Variants in PDE1A observed in about 807,000 individuals in gnomAD.
The protein encoded by PDE1A is dual specificity calcium/calmodulin-dependent 3',5'-cyclic nucleotide phosphodiesterase 1A.
A neutral mutation model predicts 61.7 loss-of-function variants in PDE1A; 35 were observed. That is an observed-to-expected ratio of 0.57 (90% CI 0.43 to 0.75). The LOEUF is 0.75. PDE1A is among the 30% of genes least tolerant of loss of function. PDE1A has a pLI of 0.00. For missense variants in PDE1A, 597 were observed against 630.6 expected, an observed-to-expected ratio of 0.95 and a Z score of 0.57; for synonymous variants, 232 against 213.2, an observed-to-expected ratio of 1.09 and a Z score of -0.77.
chr2:182,167,392 T>C (rs961152863), downstream of PDE1A, among the ~76,000 whole-genome samples: 3 of 152,180 alleles, frequency 2.0e-5, no homozygotes, highest in African/African-American at 7.2e-5. Context: ...TTGTATCCTA[T>C]GTTTCTTTAA....
At chr2:182,658,058 A>C in the PDE1A span, among the ~76,000 whole-genome samples, 6 of 108,516 alleles carry the variant, frequency 5.5e-5, no homozygotes, top group Admixed American at 8.7e-5. Flanking sequence ...AAAAAAAAAA[A>C]AAAAAAAAAA....
chr2:182,571,338 C>A, the PDE1A span, among the ~76,000 whole-genome samples: 2 of 152,012 alleles, frequency 1.3e-5, no homozygotes, highest in African/African-American at 4.8e-5. Context: ...TATTATTCTA[C>A]CAATCAAATC....
At chr2:182,524,135 A>G (rs1479743715), upstream of PDE1A, among the ~76,000 whole-genome samples, 2 of 152,174 alleles carry the variant, frequency 1.3e-5, no homozygotes, top group East Asian at 3.8e-4. Flanking sequence ...TGAAAGTACC[A>G]ATTTTACCCT....
intron 13 of PDE1A, among the ~76,000 whole-genome samples, 178 bp from the exon 14 acceptor site, chr2:182,147,330 G>T (rs967335847): frequency 6.6e-6 from 1 of 152,144 alleles, no homozygotes; most frequent in Non-Finnish European, 1.5e-5. Flanking sequence ...GATCTACATA[G>T]TATAACAAGC....
chr2:182,192,792 A>C (rs1411362468), intron 10 of PDE1A, among the ~76,000 whole-genome samples: 1 of 152,100 alleles, frequency 6.6e-6, no homozygotes, highest in East Asian at 1.9e-4. Context: ...TTCCCTGGAG[A>C]TCCTTCAGGT....
downstream of PDE1A, among the ~76,000 whole-genome samples, chr2:182,146,206 A>G (rs1432656555): frequency 1.3e-5 from 2 of 152,186 alleles, no homozygotes; most frequent in African/African-American, 2.4e-5. Context: ...CAAAAATTCA[A>G]ATTTTCAAGG....
At chr2:182,586,820 G>T in the PDE1A span, among the ~76,000 whole-genome samples, 3 of 152,162 alleles carry the variant, frequency 2.0e-5, no homozygotes, top group African/African-American at 7.2e-5. Flanking sequence ...TTTATCAGAT[G>T]CATATTATGT....
the PDE1A span, among the ~76,000 whole-genome samples, chr2:182,644,128 T>TACACACACAC: frequency 0.03 from 3,929 of 129,402 alleles, 126 homozygotes; most frequent in African/African-American, 0.062. Context: ...AATCAATGAT[T>TACACACACAC]ACACACACAC....
intron 2 of PDE1A, among the ~76,000 whole-genome samples, chr2:182,440,426 A>C (rs1684713623): frequency 6.6e-6 from 1 of 152,060 alleles, no homozygotes. Context: ...ATGGGATGCT[A>C]CTTAGTTATA....
chr2:182,511,263 C>A (rs1210943999), intron 2 of PDE1A, among the ~76,000 whole-genome samples: 1 of 151,666 alleles, frequency 6.6e-6, no homozygotes, highest in Non-Finnish European at 1.5e-5. Flanking sequence ...TCAAAAAGAC[C>A]GGCACGCTCC....
chr2:182,358,671 AAC>A (rs1414578245), intron 1 of PDE1A, among the ~76,000 whole-genome samples: 1 of 152,172 alleles, frequency 6.6e-6, no homozygotes, highest in African/African-American at 2.4e-5. Context: ...GCTAATAGCT[AAC>A]ATTTTTTGAA....
chr2:182,516,815 A>G (rs866657089), intron 2 of PDE1A, among the ~76,000 whole-genome samples: 16 of 83,224 alleles, frequency 1.9e-4, no homozygotes, highest in African/African-American at 6.6e-4. Context: ...AAGGAAGGAA[A>G]GGAAGGGAAG....
intron 1 of PDE1A, among the ~76,000 whole-genome samples, chr2:182,300,715 A>G (rs1441777835): frequency 6.6e-6 from 1 of 152,234 alleles, no homozygotes; most frequent in Admixed American, 6.5e-5. Flanking sequence ...CCTCTTGTAT[A>G]AATGTCCTCT....
chr2:182,573,600 T>C, the PDE1A span, among the ~76,000 whole-genome samples: 2 of 151,980 alleles, frequency 1.3e-5, no homozygotes, highest in Non-Finnish European at 2.9e-5. Flanking sequence ...AGGGGACAGA[T>C]GATGATATTC....
the PDE1A span, among the ~76,000 whole-genome samples, chr2:182,663,202 G>A: frequency 6.6e-6 from 1 of 152,166 alleles, no homozygotes; most frequent in Non-Finnish European, 1.5e-5. Flanking sequence ...CAAGGTTGCA[G>A]AGAAAAAGGA....
the PDE1A span, among the ~76,000 whole-genome samples, chr2:182,599,152 GC>G: frequency 1.3e-5 from 2 of 152,044 alleles, no homozygotes; most frequent in African/African-American, 2.4e-5. Context: ...GCCCAGGAAG[GC>G]CCCCCCTACC....
At chr2:182,208,986 C>A (rs914167385) in intron 7 of PDE1A, among the ~76,000 whole-genome samples, 1 of 152,072 alleles carries the variant, frequency 6.6e-6, no homozygotes, top group Non-Finnish European at 1.5e-5. Context: ...TGAGTTAATG[C>A]TGGAGTGAGT....
At chr2:182,512,599 C>T (rs556914721) in intron 2 of PDE1A, among the ~76,000 whole-genome samples, 24 of 152,072 alleles carry the variant, frequency 1.6e-4, no homozygotes, top group Admixed American at 8.5e-4. Flanking sequence ...TTTTACCAGA[C>T]GAAATAGTTG....
intron 2 of PDE1A, among the ~76,000 whole-genome samples, chr2:182,503,289 T>C (rs570292791): frequency 1.3e-5 from 2 of 152,304 alleles, no homozygotes; most frequent in African/African-American, 4.8e-5. Flanking sequence ...ATTTTGTCCT[T>C]CCTTGCCTCT....
Sources: allele counts gnomAD v4.1 joint callset (sites outside exome capture counted in the v4.1 genomes callset), GRCh38; gene constraint gnomAD v4.1.1; transcripts MANE v1.5; gene names NCBI Gene and HGNC (gene_info 2026-07-23, HGNC 2026-07-21).